NUBPL: variants seen among roughly 807,000 people sequenced by gnomAD.
NUBPL encodes NUBP iron-sulfur cluster assembly factor, mitochondrial, also known as iron-sulfur cluster transfer protein NUBPL.
A neutral mutation model predicts 45.7 loss-of-function variants in NUBPL; 31 were observed. The ratio of observed to expected loss-of-function variants is 0.68; its 90% CI spans 0.51 to 0.92. NUBPL has a LOEUF of 0.92. Among genes scored for constraint, NUBPL ranks in the 40% least tolerant of loss-of-function variants. The probability of loss-of-function intolerance (pLI) is 0.00; values close to 1 mark genes in which losing one functional copy is unlikely to be tolerated. For missense variants in NUBPL, 401 were observed against 398.7 expected (o/e 1.01, Z -0.05); for synonymous variants, 144 against 140.9 (o/e 1.02, Z -0.15).
intron 4 of NUBPL, among the ~76,000 whole-genome samples, chr14:31,616,007 T>C (rs1355405478): frequency 6.6e-6 from 1 of 152,254 alleles, no homozygotes; most frequent in African/African-American, 2.4e-5. Context: ...TGAGATGATA[T>C]CTCATTGTGG....
intron 4 of NUBPL, among the ~76,000 whole-genome samples, chr14:31,660,673 G>T (rs557573361): frequency 6.6e-6 from 1 of 152,186 alleles, no homozygotes; most frequent in South Asian, 2.1e-4. Context: ...TTTAAGAAAT[G>T]GATTTAATGC....
intron 4 of NUBPL, among the ~76,000 whole-genome samples, chr14:31,637,662 T>C (rs547140726): frequency 1.3e-5 from 2 of 152,346 alleles, no homozygotes; most frequent in South Asian, 4.1e-4. Flanking sequence ...TTCTGTCTCA[T>C]TGATCTGTCT....
chr14:31,730,870 T>C (rs936189547), intron 6 of NUBPL, among the ~76,000 whole-genome samples: 2 of 152,186 alleles, frequency 1.3e-5, no homozygotes, highest in African/African-American at 2.4e-5. Flanking sequence ...TGTCAGCCAA[T>C]GTGTCAGTTT....
chr14:31,629,218 C>G (rs780983590), intron 4 of NUBPL, among the ~76,000 whole-genome samples: 3 of 152,112 alleles, frequency 2.0e-5, no homozygotes, highest in Admixed American at 6.5e-5. Flanking sequence ...TTCTTGGTTT[C>G]TAGGTTAGTA....
intron 7 of NUBPL, among the ~76,000 whole-genome samples, chr14:31,793,091 C>T (rs772541039): frequency 1.3e-5 from 2 of 152,132 alleles, no homozygotes; most frequent in African/African-American, 2.4e-5. Context: ...TGTTCTTCTC[C>T]CTTTTCTTAT....
intron 6 of NUBPL, among the ~76,000 whole-genome samples, chr14:31,744,537 T>C (rs1043034583): frequency 1.1e-4 from 17 of 151,784 alleles, no homozygotes; most frequent in African/African-American, 3.4e-4. Flanking sequence ...TATCTCAGAA[T>C]TTAGATTATT....
At chr14:31,746,100 T>C (rs952250624) in intron 6 of NUBPL, among the ~76,000 whole-genome samples, 2 of 152,054 alleles carry the variant, frequency 1.3e-5, no homozygotes, top group Admixed American at 6.5e-5. Flanking sequence ...GTTAAGGGTT[T>C]TCTGTATAGA....
At chr14:31,792,607 A>C (rs1408244634) in intron 7 of NUBPL, among the ~76,000 whole-genome samples, 2 of 152,182 alleles carry the variant, frequency 1.3e-5, no homozygotes, top group African/African-American at 4.8e-5. Context: ...GATAACAATG[A>C]AAGACTAGAT....
At chr14:31,647,527 G>A (rs1208399671) in intron 4 of NUBPL, among the ~76,000 whole-genome samples, 1 of 152,192 alleles carries the variant, frequency 6.6e-6, no homozygotes, top group Non-Finnish European at 1.5e-5. Context: ...TGGCAATGTT[G>A]GAAGGCTGGC....
chr14:31,745,864 C>T (rs966111901), intron 6 of NUBPL, among the ~76,000 whole-genome samples: 3 of 151,924 alleles, frequency 2.0e-5, no homozygotes, highest in Non-Finnish European at 4.4e-5. Flanking sequence ...CTGAAAACAG[C>T]CTCCTAATAA....
chr14:31,678,673 G>T (rs986483013), intron 6 of NUBPL, among the ~76,000 whole-genome samples: 5 of 152,214 alleles, frequency 3.3e-5, no homozygotes, highest in Non-Finnish European at 5.9e-5. Flanking sequence ...GCAAGACAAA[G>T]TTCTCTTTGT....
chr14:31,859,662 C>T lies in NUBPL; in HGVS notation c.*482C>T, dbSNP rs910936065. 1.5e-5 allele frequency: 3 copies of T among 203,488 alleles called. No homozygotes were observed. The highest frequency in any genetic ancestry group is 2.0e-5 in the Non-Finnish European group (2 of 98,984). The allele number at this position is 203,488 out of a possible 1,614,324, so 12.6% of individuals were successfully genotyped here. On this transcript the variant is annotated 3_prime_UTR_variant, in exon 11 of 11. Coordinates refer to ENST00000281081, the MANE Select transcript of NUBPL (RefSeq NM_025152.3). ...TGAACCTCTGCTTCTTCATCTGGAT[C>T]ACACTATACCCCAGACTTAATGAAT...
At chr14:31,597,268 G>GA (rs2034308950) in intron 3 of NUBPL, among the ~76,000 whole-genome samples, 1 of 152,152 alleles carries the variant, frequency 6.6e-6, no homozygotes. Flanking sequence ...GGAAGCAGAA[G>GA]AATTCGAAAA....
intron 6 of NUBPL, among the ~76,000 whole-genome samples, chr14:31,775,792 T>G (rs74901670): frequency 8.2e-4 from 125 of 152,274 alleles, no homozygotes; most frequent in Middle Eastern, 3.4e-3. Context: ...CTGAAATCCT[T>G]TGAGTTTGGA....
At chr14:31,695,345 CTT>C (rs34395195) in intron 6 of NUBPL, among the ~76,000 whole-genome samples, 3 of 140,182 alleles carry the variant, frequency 2.1e-5, no homozygotes, top group African/African-American at 5.3e-5. Flanking sequence ...TGTAGTGTTC[CTT>C]TTTTTTTTTT....
At chr14:31,635,865 G>A (rs555178332) in intron 4 of NUBPL, among the ~76,000 whole-genome samples, 18 of 152,212 alleles carry the variant, frequency 1.2e-4, no homozygotes, top group South Asian at 4.2e-4. Flanking sequence ...GTGAATGGGC[G>A]TTCACTCATG....
At chr14:31,722,439 T>A (rs1392066639) in intron 6 of NUBPL, among the ~76,000 whole-genome samples, 1 of 152,216 alleles carries the variant, frequency 6.6e-6, no homozygotes, top group Non-Finnish European at 1.5e-5. Context: ...AGATTGATAT[T>A]ACTTTGGGTA....
At chr14:31,694,554 C>T (rs1339604544) in intron 6 of NUBPL, among the ~76,000 whole-genome samples, 2 of 152,000 alleles carry the variant, frequency 1.3e-5, no homozygotes, top group African/African-American at 2.4e-5. Flanking sequence ...ATTGCTCTGT[C>T]GCCCAGGCAG....
intron 7 of NUBPL, among the ~76,000 whole-genome samples, chr14:31,812,164 CT>C (rs2039819147): frequency 6.6e-6 from 1 of 152,210 alleles, no homozygotes; most frequent in Non-Finnish European, 1.5e-5. Context: ...AGAACCACTG[CT>C]CTTTTCAGAG....
Sources: gnomAD v4.1 joint callset for allele counts (sites outside exome capture counted in the v4.1 genomes callset) on GRCh38, gnomAD v4.1.1 for gene constraint, MANE v1.5 for transcripts, NCBI Gene and HGNC (gene_info 2026-07-23, HGNC 2026-07-21) for gene names.